Variants in KIAA1210 observed in about 807,000 individuals in gnomAD.
KIAA1210 encodes the protein acrosomal protein KIAA1210.
A neutral mutation model predicts 78.9 loss-of-function variants in KIAA1210; 48 were observed. The observed-to-expected ratio is 0.61, with a 90% CI of 0.48 to 0.77. KIAA1210 has a LOEUF of 0.77. Ranked by LOEUF, KIAA1210 falls within the 30% of genes least tolerant of loss-of-function variation. KIAA1210 has a pLI of 0.00. For synonymous variants in KIAA1210, 406 were observed against 404.5 expected, an observed-to-expected ratio of 1.00 and a Z score of -0.04; for missense variants, 1,108 against 1,100.0, an observed-to-expected ratio of 1.01 and a Z score of -0.10.
chrX:119,108,231 A>G (rs1368408128), intron 5 of KIAA1210, 106 bp downstream of exon 5: 1 of 770,642 alleles, frequency 1.3e-6, no homozygotes. Context: ...AAGTTAATCA[A>G]CTAGCCCAGG....
In KIAA1210 at chrX:119,089,079, G is replaced by A; in HGVS notation, c.1623C>T (p.Ser541=). The stretch of plus-strand genomic sequence containing the variant: ...GAACATCCTGGGCTGACTCCATTTT[G>A]GATTGGGCCTTTTGTAAATCAAAGC... The part of the protein sequence containing the change: ...AFSFDLQKAQ[S]KMESAQDVQT... Residue 541 remains serine, a synonymous_variant, in exon 9 of 12, where the codon TCC becomes TCT. Transcript: ENST00000691062. 8.3e-7 allele frequency: 1 copy of A among 1,211,796 alleles called. No homozygotes were observed. Among genetic ancestry groups the A allele is most frequent in the South Asian group, 1.8e-5 (1 of 56,989 alleles).
At chrX:119,106,366 T>C (rs758701949) in intron 5 of KIAA1210, among the ~76,000 whole-genome samples, 1 of 111,845 alleles carries the variant, frequency 8.9e-6, no homozygotes, top group Non-Finnish European at 1.9e-5. Flanking sequence ...AAACAAAATT[T>C]GAGAGATGAT....
chrX:119,093,754 G>C lies in KIAA1210; in HGVS notation c.868C>G (p.Pro290Ala). Residue 290 changes from proline to alanine, a missense_variant, in exon 8 of 12, where the codon CCA (proline) becomes GCA (alanine). Pro to Ala is a conservative substitution (Grantham distance 27). Around this residue, in one of 5 missense-constraint regions of KIAA1210, gnomAD observed 672 missense variants for 607.1 expected, o/e 1.11. Coordinates refer to ENST00000691062, the MANE Select transcript of KIAA1210 (RefSeq NM_001394962.1). ...QVIVEPKEEEPNLPLVSEEEK... is the reference protein window; with the variant it reads ...QVIVEPKEEEANLPLVSEEEK... ...TCTTCAGAAACCAATGGAAGGTTTG[G>C]CTCCTCCTCCTTTGGTTCCACCTGA... 1 of 1,206,482 alleles carries C rather than the reference G, an allele frequency of 8.3e-7. No homozygotes were observed. The highest frequency in any genetic ancestry group is 1.1e-6 in the Non-Finnish European group (1 of 892,363).
chrX:119,085,251 A>G, intron 10 of KIAA1210, 132 bp downstream of exon 10: 1 of 599,955 alleles, frequency 1.7e-6, no homozygotes, highest in South Asian at 3.1e-5. Context: ...TTTTTCCCTG[A>G]AGAGTCCTCC....
intron 3 of KIAA1210, among the ~76,000 whole-genome samples, chrX:119,112,811 C>A (rs959096392): frequency 9.0e-6 from 1 of 111,721 alleles, no homozygotes; most frequent in Admixed American, 9.5e-5. Context: ...AAATATATAA[C>A]GGCCATTTGA....
chrX:119,123,687 C>CAAATG, intron 1 of KIAA1210, 35 bp from the exon 2 acceptor site: 2 of 981,299 alleles, frequency 2.0e-6, no homozygotes, highest in Non-Finnish European at 2.9e-6. Flanking sequence ...AGCAAAATAT[C>CAAATG]ATCATTTGAT....
At chrX:119,145,367 C>T (rs1929142667) in intron 2 of KIAA1210, among the ~76,000 whole-genome samples, 1 of 111,221 alleles carries the variant, frequency 9.0e-6, no homozygotes, top group African/African-American at 3.3e-5. Context: ...CAGTAGCATA[C>T]CTTGGCCCCG....
rs1927960294 is a variant in KIAA1210, at chrX:119,108,456, T to C, written c.373A>G (p.Arg125Gly). Residue 125 changes from arginine (R) to glycine (G), a missense_variant, in exon 5 of 12, where the codon AGA (arginine) becomes GGA (glycine). Physicochemically the swap from Arg to Gly is moderately radical, Grantham distance 125. Transcript: ENST00000691062. Reference protein sequence around the residue: ...GRPQQRSHISRTLPKPRSKVP... With the variant: ...GRPQQRSHISGTLPKPRSKVP... ...TTACTCCTAGGTTTAGGCAGAGTTC[T>C]GGAAATATGGGATCTCTGTGTAAGA... The C allele has an allele frequency of 8.3e-7, 1 of 1,206,107 alleles. No homozygotes were observed. The highest frequency in any genetic ancestry group is 2.2e-5 in the Admixed American group (1 of 45,290).
At chrX:119,117,867 C>T (rs1928325417) in intron 2 of KIAA1210, among the ~76,000 whole-genome samples, 2 of 111,205 alleles carry the variant, frequency 1.8e-5, no homozygotes, top group Non-Finnish European at 3.8e-5. Flanking sequence ...CCCGCCTTGG[C>T]CTCCCAAAGT....
chrX:119,144,458 C>A (rs1929121311), intron 2 of KIAA1210, among the ~76,000 whole-genome samples: 1 of 112,311 alleles, frequency 8.9e-6, no homozygotes, highest in South Asian at 3.7e-4. Flanking sequence ...CAGAGCACAA[C>A]CCAACAATGC....
At chrX:119,135,286 A>AATAT (rs1418852877) in intron 2 of KIAA1210, among the ~76,000 whole-genome samples, 3 of 112,193 alleles carry the variant, frequency 2.7e-5, no homozygotes, top group Non-Finnish European at 3.8e-5. Flanking sequence ...ATGACCCGAA[A>AATAT]ATAGAATAGT....
chrX:119,108,226 A>T, intron 5 of KIAA1210, 111 bp downstream of exon 5: 1 of 710,956 alleles, frequency 1.4e-6, no homozygotes, highest in Non-Finnish European at 2.1e-6. Context: ...CAGAGAAGTT[A>T]ATCAACTAGC....
chrX:119,095,481 C>T (rs983314869), intron 7 of KIAA1210, among the ~76,000 whole-genome samples: 2 of 111,425 alleles, frequency 1.8e-5, no homozygotes, highest in African/African-American at 3.3e-5. Context: ...CTCCACCTCC[C>T]GGGTTCAAGC....
In KIAA1210 at chrX:119,080,700, C is replaced by T. The variant is rs993743032; in HGVS notation, c.*629G>A. 4.5e-5 allele frequency: 5 copies of T among 112,248 alleles called. No individual in the cohort carries two copies. Among genetic ancestry groups the T allele is most frequent in the East Asian group, 2.8e-4 (1 of 3,602 alleles). 9.3% of individuals were successfully genotyped at this position (112,248 alleles called of 1,213,427 possible). On this transcript the variant is annotated 3_prime_UTR_variant, in exon 12 of 12. Transcript: ENST00000691062. ...AGTTAAAGATTTTGCAATTTTACAG[C>T]AGTGCAAATGTTTTCGATAGTTTTA...
chrX:119,100,601 T>C (rs1320481251), intron 6 of KIAA1210, among the ~76,000 whole-genome samples: 1 of 111,920 alleles, frequency 8.9e-6, no homozygotes, highest in Non-Finnish European at 1.9e-5. Flanking sequence ...AAGCGTAGCT[T>C]ATTACATGGA....
At chrX:119,094,163 C>A (rs1397183264) in intron 7 of KIAA1210, 7 of 668,533 alleles carry the variant, frequency 1.0e-5, no homozygotes, top group Non-Finnish European at 1.7e-5. Context: ...CTCCGATTTG[C>A]TTCACCAGAC....
intron 7 of KIAA1210, among the ~76,000 whole-genome samples, chrX:119,094,552 G>A (rs1927495052): frequency 8.9e-6 from 1 of 111,884 alleles, no homozygotes; most frequent in African/African-American, 3.3e-5. Context: ...TGGTCAGATT[G>A]GCCTGGATTC....
chrX:119,150,181 T>C, intron 1 of KIAA1210: 1 of 819,611 alleles, frequency 1.2e-6, no homozygotes, highest in Non-Finnish European at 1.7e-6. Context: ...TCTCTCTCCC[T>C]GGTCTGTCTG....
intron 3 of KIAA1210, among the ~76,000 whole-genome samples, chrX:119,110,577 T>C (rs1475899527): frequency 8.9e-6 from 1 of 111,908 alleles, no homozygotes; most frequent in Non-Finnish European, 1.9e-5. Context: ...AAACTCTTAA[T>C]GAATACGCTA....
Sources: gnomAD v4.1 joint callset for allele counts (sites outside exome capture counted in the v4.1 genomes callset) on GRCh38, gnomAD v4.1.1 for gene constraint, gnomAD v4.1.1 regional missense constraint, MANE v1.5 for transcripts, NCBI Gene and HGNC (gene_info 2026-07-23, HGNC 2026-07-21) for gene names.